The following ARID3B variants were observed in gnomAD, a reference collection of about 807,000 sequenced individuals.
The protein encoded by ARID3B is AT-rich interaction domain 3B, also known as AT-rich interactive domain-containing protein 3B.
A neutral mutation model predicts 51.9 loss-of-function variants in ARID3B; 10 were observed. That is an observed-to-expected ratio of 0.19 (90% confidence interval 0.12 to 0.33). The LOEUF is 0.33. Ranked by LOEUF, ARID3B falls within the 10% of genes least tolerant of loss-of-function variation. The pLI is 1.00. For missense variants in ARID3B, 483 were observed against 716.3 expected (o/e 0.67, Z 3.72); for synonymous variants, 205 against 279.5 (o/e 0.73, Z 2.66).
Position 74,591,723 on chromosome 15 carries a change from G to A in ARID3B, c.1329G>A (p.Glu443=), listed in dbSNP as rs778862790. ...AGAAGAAGGCATCGAGGCTGTCTGA[G>A]GAGGAGCAGCGCCTGGTGCAGCAGG... ...PAEKKASRLS[E]EEQRLVQQAF... The change falls in exon 7 of 9, where the codon GAG becomes GAA. Residue 443 remains glutamate, a synonymous_variant. Coordinates refer to ENST00000346246, the MANE Select transcript of ARID3B (RefSeq NM_006465.4). This position sits in a 1 kb window ranked among gnomAD's most constrained non-coding sequence, Gnocchi z 5.8. The A allele has an allele frequency of 6.2e-7, 1 of 1,614,168 alleles. No individual in the cohort carries two copies. The highest frequency in any genetic ancestry group is 8.5e-7 in the Non-Finnish European group (1 of 1,180,028).
chr15:74,593,843 C>T (rs2061813224), intron 8 of ARID3B, among the ~76,000 whole-genome samples: 1 of 151,820 alleles, frequency 6.6e-6, no homozygotes, highest in South Asian at 2.1e-4. Flanking sequence ...GAGTTTGAGA[C>T]CAGCCTGAGC....
chr15:74,579,872 T>TGC (rs1308828023), intron 4 of ARID3B, among the ~76,000 whole-genome samples: 4,803 of 118,574 alleles, frequency 0.041, 112 homozygotes, highest in Non-Finnish European at 0.049. Context: ...TGTGTGTGTG[T>TGC]GCGCGCGCGC....
chr15:74,583,955 G>A (rs10162769), intron 4 of ARID3B, among the ~76,000 whole-genome samples: 1,847 of 152,240 alleles, frequency 0.012, 34 homozygotes, highest in African/African-American at 0.041. Context: ...CAAGCTGCAC[G>A]GCAGACTACC....
chr15:74,597,197 T>G lies in ARID3B; in HGVS notation c.*1423T>G, dbSNP rs1421069609. The G allele has an allele frequency of 1.1e-5, 4 of 351,852 alleles. No individual in the cohort carries two copies. Among genetic ancestry groups the G allele is most frequent in the African/African-American group, 2.1e-5 (1 of 47,168 alleles). 21.8% of individuals were successfully genotyped at this position (351,852 alleles called of 1,614,324 possible). ...AGGAGATGAATAACTCCACAGCTCC[T>G]CCTGGACCCTGCGCGGGAGCAGGCA... On this transcript the variant is annotated 3_prime_UTR_variant, in exon 9 of 9. Coordinates refer to ENST00000346246, the MANE Select transcript of ARID3B (RefSeq NM_006465.4).
At chr15:74,590,086 T>C in intron 5 of ARID3B, 83 bp downstream of exon 5, 3 of 1,398,892 alleles carry the variant, frequency 2.1e-6, no homozygotes, top group Non-Finnish European at 2.9e-6. Context: ...GGAAGGAAAT[T>C]CCTTTGTATG....
rs775159484 is a variant in ARID3B at position 74,591,522 on chromosome 15, G to T, written c.1166-38G>T. 8.8e-6 allele frequency: 14 copies of T among 1,599,376 alleles called. No homozygotes were observed. The highest frequency in any genetic ancestry group is 6.7e-5 in the Admixed American group (4 of 59,452). ...AAGACTGGGGTTTTGGGGCAAGAGGGTCAATTGTGGATTGGTCCAGCTCCA... is the reference window on the plus strand; with the variant it reads ...AAGACTGGGGTTTTGGGGCAAGAGGTTCAATTGTGGATTGGTCCAGCTCCA... On this transcript the variant is annotated intron_variant, in intron 6 of 8. Transcript: ENST00000346246. The surrounding 1 kb of genome is among the most constrained non-coding windows in gnomAD (Gnocchi z 5.8).
At chr15:74,589,021 CTTTTTT>C (rs900091332) in intron 4 of ARID3B, among the ~76,000 whole-genome samples, 2 of 87,810 alleles carry the variant, frequency 2.3e-5, no homozygotes, top group Non-Finnish European at 4.1e-5. Context: ...CAAGCACACT[CTTTTTT>C]TTTTTTTTTT....
chr15:74,555,113 AATT>A (rs2061652692), intron 2 of ARID3B, among the ~76,000 whole-genome samples: 1 of 152,192 alleles, frequency 6.6e-6, no homozygotes, highest in Admixed American at 6.5e-5. Context: ...TAATATATAT[AATT>A]ATTATTTGTC....
chr15:74,547,410 T>C (rs1340943113), intron 2 of ARID3B, among the ~76,000 whole-genome samples: 1 of 152,210 alleles, frequency 6.6e-6, no homozygotes, highest in Non-Finnish European at 1.5e-5. Flanking sequence ...CTCAAACTCC[T>C]GACCTCAAGT....
At chr15:74,555,127 A>C (rs58723548) in intron 2 of ARID3B, among the ~76,000 whole-genome samples, 5,232 of 152,264 alleles carry the variant, frequency 0.034, 129 homozygotes, top group Middle Eastern at 0.12. Context: ...ATTATTTGTC[A>C]ATTAAAATTA....
intron 4 of ARID3B, among the ~76,000 whole-genome samples, chr15:74,583,872 G>C (rs2061770715): frequency 1.3e-5 from 2 of 152,196 alleles, no homozygotes; most frequent in Admixed American, 1.3e-4. Context: ...GAAGGCTTAA[G>C]GATTCTTGTC....
chr15:74,555,623 T>C (rs991792054), intron 2 of ARID3B, among the ~76,000 whole-genome samples: 4 of 151,064 alleles, frequency 2.6e-5, no homozygotes, highest in African/African-American at 9.7e-5. Context: ...TGAGCCACCA[T>C]GCCTGGCCCC....
chr15:74,593,286 AG>A, intron 8 of ARID3B, 50 bp downstream of exon 8: 1 of 1,553,536 alleles, frequency 6.4e-7, no homozygotes, highest in Non-Finnish European at 8.8e-7. Context: ...AGCTAGCCAC[AG>A]GGCAGCTCTG....
intron 2 of ARID3B, among the ~76,000 whole-genome samples, chr15:74,572,340 T>G (rs2061722047): frequency 6.6e-6 from 1 of 152,196 alleles, no homozygotes; most frequent in Non-Finnish European, 1.5e-5. Context: ...TCACCATGAG[T>G]TCTTGCCATG....
chr15:74,575,479 G>A (rs2061734315), intron 4 of ARID3B, among the ~76,000 whole-genome samples: 1 of 152,198 alleles, frequency 6.6e-6, no homozygotes, highest in South Asian at 2.1e-4. Context: ...GGTTTTCCTG[G>A]CTCAGATTGC....
intron 2 of ARID3B, among the ~76,000 whole-genome samples, chr15:74,558,592 T>G (rs1444130395): frequency 1.3e-5 from 2 of 152,234 alleles, no homozygotes; most frequent in African/African-American, 4.8e-5. Flanking sequence ...CCATCTGTGT[T>G]CTTTAATCAG....
chr15:74,550,813 T>C (rs568975387), intron 2 of ARID3B, among the ~76,000 whole-genome samples: 32 of 152,262 alleles, frequency 2.1e-4, no homozygotes, highest in African/African-American at 7.7e-4. Flanking sequence ...CATCAATCTA[T>C]TCCAGAGGAT....
intron 4 of ARID3B, among the ~76,000 whole-genome samples, chr15:74,579,346 C>T (rs1013239250): frequency 2.6e-5 from 4 of 152,250 alleles, no homozygotes; most frequent in South Asian, 2.1e-4. Flanking sequence ...TGGAGTGGGA[C>T]GAGGCGCAGT....
intron 8 of ARID3B, 43 bp from the exon 9 acceptor site, chr15:74,595,568 C>T (rs201383461): frequency 4.2e-5 from 67 of 1,591,360 alleles, no homozygotes; most frequent in East Asian, 1.3e-4. Flanking sequence ...CCCTCCCCTT[C>T]GCTCTTCCTC....
Sources: allele counts gnomAD v4.1 joint callset (sites outside exome capture counted in the v4.1 genomes callset), GRCh38; gene constraint gnomAD v4.1.1; non-coding constraint Gnocchi (gnomAD v3.1); transcripts MANE v1.5; gene names NCBI Gene and HGNC (gene_info 2026-07-23, HGNC 2026-07-21).